SLAMF8: variants seen among roughly 807,000 people sequenced by gnomAD.
The protein encoded by SLAMF8 is B lymphocyte activator macrophage expressed.
Under a neutral mutation model 29.0 loss-of-function variants are expected in SLAMF8, and 23 were observed. That is an observed-to-expected ratio of 0.79 (90% CI 0.57 to 1.13). The LOEUF (loss-of-function observed/expected upper bound fraction) is 1.13, where lower values mean the gene tolerates loss of function less well. SLAMF8 is among the 50% of genes most tolerant of loss of function. SLAMF8 has a pLI of 0.00. For missense variants in SLAMF8, 381 were observed against 353.1 expected (o/e 1.08, Z -0.63); for synonymous variants, 139 against 145.6 (o/e 0.96, Z 0.32).
chr1:159,832,933 C>T lies in SLAMF8; in HGVS notation c.425C>T (p.Pro142Leu). ...ATTGCTGTAGAAAGGGATGCTCAGC[C>T]CTCCAAGACCTGCCAGGTTTTCTTG... ...VFIAVERDAQ[P>L]SKTCQVFLSC... Residue 142 changes from proline to leucine, a missense_variant, in exon 3 of 5, where the codon CCC becomes CTC. Pro to Leu is a moderately conservative substitution (Grantham distance 98). Coordinates refer to ENST00000289707, the MANE Select transcript of SLAMF8 (RefSeq NM_020125.3). The T allele has an allele frequency of 6.2e-7, 1 of 1,614,224 alleles. No individual in the cohort carries two copies. The highest frequency in any genetic ancestry group is 1.1e-5 in the South Asian group (1 of 91,086).
At chr1:159,834,550 G>A (rs1178372107) in intron 4 of SLAMF8, 2 of 152,202 alleles carry the variant, frequency 1.3e-5, no homozygotes, top group African/African-American at 4.8e-5. Context: ...TATACAATTC[G>A]ATGCCTTTTA....
chr1:159,830,180 C>A lies in SLAMF8; in HGVS notation c.355C>A (p.Leu119Ile), dbSNP rs114438355. 272 of 1,601,642 alleles carry A rather than the reference C, an allele frequency of 1.7e-4. 2 individuals are homozygous for A. In the East Asian group the frequency reaches 5.7e-3, roughly 33 times the overall value. The change falls in exon 2 of 5, where the codon CTC becomes ATC. Residue 119 changes from leucine to isoleucine, a missense_variant. By Grantham distance (5) the Leu-to-Ile change is conservative. Coordinates refer to ENST00000289707, the MANE Select transcript of SLAMF8 (RefSeq NM_020125.3). ...CCAGCCCTGGACCCAGACCCTCCAG[C>A]TCAAGGTGTACGGTGAGTGTGTCTG... ...RGQPWTQTLQLKVYDAVPRPV... is the reference protein window; with the variant it reads ...RGQPWTQTLQIKVYDAVPRPV...
Position 159,833,142 on chromosome 1 carries a change from GC to G in SLAMF8, c.636del (p.Thr213GlnfsTer33). ...CTCCAACCCTGTCAGCTGGGACTTGGCCACAGTCACGCCCTGGGATAGCTGT... is the reference window on the plus strand; with the variant it reads ...CTCCAACCCTGTCAGCTGGGACTTGGCACAGTCACGCCCTGGGATAGCTGT... Reference protein sequence around the residue: ...IVSNPVSWDLATVTPWDSCHH... With the variant: ...IVSNPVSWDLXTVTPWDSCHH... On this transcript the variant is annotated frameshift_variant, in exon 3 of 5. Transcript: ENST00000289707. LOFTEE classifies it high-confidence loss of function. 4 of 1,614,140 alleles carry G rather than the reference GC, an allele frequency of 2.5e-6. No individual in the cohort carries two copies. Among genetic ancestry groups the G allele is most frequent in the Non-Finnish European group, 3.4e-6 (4 of 1,180,038 alleles).
chr1:159,829,881 C>A lies in SLAMF8; in HGVS notation c.56C>A (p.Thr19Lys). The change falls in exon 2 of 5, where the codon ACA becomes AAA. Residue 19 changes from threonine (T) to lysine (K), a missense_variant. Thr to Lys is a moderately conservative substitution (Grantham distance 78). Coordinates refer to ENST00000289707, the MANE Select transcript of SLAMF8 (RefSeq NM_020125.3). ...LLLWEALLPI[T>K]VTGAQVLSKV... is the part of the protein sequence containing the mutation. The stretch of plus-strand genomic sequence containing the variant: ...GTTCTTTCAGCCCTACTTCCCATTA[C>A]AGTTACTGGTGCCCAAGTGCTGAGC... 6.2e-7 allele frequency: 1 copy of A among 1,610,808 alleles called. No homozygotes were observed. Among genetic ancestry groups the A allele is most frequent in the Non-Finnish European group, 8.5e-7 (1 of 1,178,196 alleles).
In SLAMF8 at chr1:159,835,168, C is replaced by A; in HGVS notation, c.782-16C>A. ...AAACACTGGAGGGGTAACTTTCTTT[C>A]TGATGTCCTTACCAGGGAAAAAGAA... On this transcript the variant is annotated splice_polypyrimidine_tract_variant and intron_variant, in intron 4 of 4. Coordinates refer to ENST00000289707, the MANE Select transcript of SLAMF8 (RefSeq NM_020125.3). 1 of 1,611,860 alleles carries A rather than the reference C, an allele frequency of 6.2e-7. No individual in the cohort carries two copies. The highest frequency in any genetic ancestry group is 8.5e-7 in the Non-Finnish European group (1 of 1,178,652).
In SLAMF8 at chr1:159,833,340, TCTCTGCCTGGCACTGGTGCCCCTG is replaced by T. The variant is rs764396697; in HGVS notation, c.756_779del (p.Ala253_Ser260del). 72 of 1,614,022 alleles carry T rather than the reference TCTCTGCCTGGCACTGGTGCCCCTG, an allele frequency of 4.5e-5. No individual in the cohort carries two copies. The highest frequency in any genetic ancestry group is 5.8e-5 in the Non-Finnish European group (69 of 1,180,020). On this transcript the variant is annotated inframe_deletion, in exon 4 of 5. Coordinates refer to ENST00000289707, the MANE Select transcript of SLAMF8 (RefSeq NM_020125.3). ...CTGCTCCTGATGCTGGTTACTCTCT[TCTCTGCCTGGCACTGGTGCCCCTG>T]CTCAGGTAGGAGTCCTGCAGGTGCA... is the stretch of plus-strand genomic sequence containing the variant.
rs1025964024 is a variant in SLAMF8, at chr1:159,834,068, T to C, written c.781+699T>C. Among the ~76,000 whole-genome samples the C allele has an allele frequency of 5.7e-4, 86 of 152,182 alleles. 1 individual carries two copies. The highest frequency in any genetic ancestry group is 1.2e-3 in the Non-Finnish European group (80 of 68,028). ...GGGGAAACTCCAAGATCAGACCTGG[T>C]TCTAAGCTCTACATACAGCTCAGTC... On this transcript the variant is annotated intron_variant, in intron 4 of 4. Transcript: ENST00000289707.
rs1481409239 is a variant in SLAMF8 at position 159,829,950 on chromosome 1, G to A, written c.125G>A (p.Gly42Asp). 1.2e-6 allele frequency: 2 copies of A among 1,614,266 alleles called. No individual in the cohort carries two copies. Among genetic ancestry groups the A allele is most frequent in the South Asian group, 2.2e-5 (2 of 91,090 alleles). ...CTGCTGGTGGCAGCGCGTCCCCCTG[G>A]CTTCCAAGTCCGTGAGGCTATCTGG... ...SVLLVAARPPGFQVREAIWRS... is the reference protein window; with the variant it reads ...SVLLVAARPPDFQVREAIWRS... Residue 42 changes from glycine to aspartate, a missense_variant, in exon 2 of 5, where the codon GGC becomes GAC. Physicochemically the swap from Gly to Asp is moderately conservative, Grantham distance 94. Transcript: ENST00000289707.
At chr1:159,828,902 C>T (rs1451732962) in intron 1 of SLAMF8, among the ~76,000 whole-genome samples, 3 of 152,128 alleles carry the variant, frequency 2.0e-5, no homozygotes, top group Admixed American at 1.3e-4. Context: ...ATATAGTCCC[C>T]CAAAACAGCA....
chr1:159,827,082 T>G, intron 1 of SLAMF8, 144 bp downstream of exon 1: 8 of 954,644 alleles, frequency 8.4e-6, no homozygotes, highest in Non-Finnish European at 1.3e-5. Context: ...GAACAAGCTC[T>G]TGGGCAACAT....
intron 2 of SLAMF8, among the ~76,000 whole-genome samples, chr1:159,831,333 T>C (rs1647474431): frequency 6.6e-6 from 1 of 151,978 alleles, no homozygotes; most frequent in East Asian, 1.9e-4. Flanking sequence ...GACAGCTAAC[T>C]GGCTGTCCTT....
In SLAMF8 at chr1:159,836,912, C is replaced by A. The variant is rs545922375; in HGVS notation, c.*1652C>A. The A allele has an allele frequency of 1.3e-4, 127 of 985,576 alleles. 1 individual carries two copies. The South Asian group carries it at 5.3e-3, about 41-fold the overall frequency. The allele number at this position is 985,576 out of a possible 1,614,324, so 61.1% of individuals were successfully genotyped here. On this transcript the variant is annotated 3_prime_UTR_variant, in exon 5 of 5. Transcript: ENST00000289707. Reference sequence around the variant, plus strand: ...CACTCAACCTGTCAGCTTGCACCATCCCCACCTGCCACCTACAGTCAGGCC... The same window carrying A: ...CACTCAACCTGTCAGCTTGCACCATACCCACCTGCCACCTACAGTCAGGCC...
Position 159,833,297 on chromosome 1 carries a change from G to C in SLAMF8, c.709G>C (p.Val237Leu), listed in dbSNP as rs768726153. ...GKASYKDVLL[V>L]VVPVSLLLML... ...GGCCTCCTACAAAGATGTGCTGCTG[G>C]TGGTGGTGCCTGTCTCGCTGCTCCT... Residue 237 changes from valine (V) to leucine (L), a missense_variant, in exon 4 of 5, where the codon GTG becomes CTG. Coordinates refer to ENST00000289707, the MANE Select transcript of SLAMF8 (RefSeq NM_020125.3). 52 of 1,614,068 alleles carry C rather than the reference G, an allele frequency of 3.2e-5. No homozygotes were observed. Among genetic ancestry groups the C allele is most frequent in the Admixed American group, 3.3e-5 (2 of 60,010 alleles).
At chr1:159,827,997 CT>C (rs1351205937) in intron 1 of SLAMF8, among the ~76,000 whole-genome samples, 3 of 152,082 alleles carry the variant, frequency 2.0e-5, no homozygotes, top group Non-Finnish European at 4.4e-5. Context: ...CTAAACCCGG[CT>C]AATGTTTGTA....
In SLAMF8 at chr1:159,835,181, C is replaced by A; in HGVS notation, c.782-3C>A. On this transcript the variant is annotated splice_polypyrimidine_tract_variant and splice_region_variant and intron_variant, in intron 4 of 4. Coordinates refer to ENST00000289707, the MANE Select transcript of SLAMF8 (RefSeq NM_020125.3). ...GTAACTTTCTTTCTGATGTCCTTAC[C>A]AGGGAAAAAGAAAAAGGATGTCCAT... 6.2e-7 allele frequency: 1 copy of A among 1,613,598 alleles called. No homozygotes were observed.
In SLAMF8 at chr1:159,835,947, G is replaced by C. The variant is rs1647896465; in HGVS notation, c.*687G>C. On this transcript the variant is annotated 3_prime_UTR_variant, in exon 5 of 5. Transcript: ENST00000289707. ...CCATGGTTGAGATGGGCACCGTTTT[G>C]CAGGAAACACCATATTAATAGACAT... 1 of 985,412 alleles carries C rather than the reference G, an allele frequency of 1.0e-6. No homozygotes were observed. Among genetic ancestry groups the C allele is most frequent in the East Asian group, 1.1e-4 (1 of 8,810 alleles). 61.0% of individuals were successfully genotyped at this position (985,412 alleles called of 1,614,324 possible).
At position 159,830,095 on chromosome 1, in the gene SLAMF8, C is replaced by T. The variant is rs1472032116; in HGVS notation, c.270C>T (p.Leu90=). Residue 90 remains leucine, a synonymous_variant, in exon 2 of 5, where the codon CTC becomes CTT. Coordinates refer to ENST00000289707, the MANE Select transcript of SLAMF8 (RefSeq NM_020125.3). Reference sequence around the variant, plus strand: ...TACACAGCAACCTCAGCCTGGAGCTCGGGCCGCTGGAGTCTGGAGACAGCG... The same window carrying T: ...TACACAGCAACCTCAGCCTGGAGCTTGGGCCGCTGGAGTCTGGAGACAGCG... ...AQLHSNLSLE[L]GPLESGDSGN... 3.1e-6 allele frequency: 5 copies of T among 1,614,110 alleles called. No individual in the cohort carries two copies. Among genetic ancestry groups the T allele is most frequent in the South Asian group, 1.1e-5 (1 of 91,090 alleles).
rs1165007840 is a variant in SLAMF8, at chr1:159,833,387, G to A, written c.781+18G>A. On this transcript the variant is annotated intron_variant, in intron 4 of 4. Transcript: ENST00000289707. Reference sequence around the variant, plus strand: ...CTGCTCAGGTAGGAGTCCTGCAGGTGCAGGAGGTAGGTGGAGGAAGTGGAG... The same window carrying A: ...CTGCTCAGGTAGGAGTCCTGCAGGTACAGGAGGTAGGTGGAGGAAGTGGAG... 3.7e-6 allele frequency: 6 copies of A among 1,613,770 alleles called. No homozygotes were observed. The Admixed American group carries it at 5.0e-5, about 13-fold the overall frequency.
Position 159,836,363 on chromosome 1 carries a change from A to C in SLAMF8, c.*1103A>C, listed in dbSNP as rs1647936702. ...CTCCATCAAACTTTTTATTGTGGCC[A>C]TCTTAGGAAAATACATTCTGCCCCT... On this transcript the variant is annotated 3_prime_UTR_variant, in exon 5 of 5. Transcript: ENST00000289707. 1.0e-6 allele frequency: 1 copy of C among 985,456 alleles called. No individual in the cohort carries two copies. The highest frequency in any genetic ancestry group is 1.2e-6 in the Non-Finnish European group (1 of 829,932). The allele number at this position is 985,456 out of a possible 1,614,324, so 61.0% of individuals were successfully genotyped here.
Sources: allele counts gnomAD v4.1 joint callset (sites outside exome capture counted in the v4.1 genomes callset), GRCh38; gene constraint gnomAD v4.1.1; transcripts MANE v1.5; gene names NCBI Gene and HGNC (gene_info 2026-07-23, HGNC 2026-07-21).